The following TBC1D5 variants were observed in gnomAD, a reference collection of about 807,000 sequenced individuals.
TBC1D5 encodes TBC1 domain family, member 5.
In TBC1D5, 75 loss-of-function variants were observed where a neutral mutation model predicts 100.3. The ratio of observed to expected loss-of-function variants is 0.75; its 90% CI spans 0.62 to 0.91. TBC1D5 has a LOEUF of 0.91. TBC1D5 is among the 40% of genes least tolerant of loss of function. TBC1D5 has a pLI of 0.00. For missense variants in TBC1D5, 910 were observed against 942.4 expected, an observed-to-expected ratio of 0.97 and a Z score of 0.45; for synonymous variants, 323 against 325.6, an observed-to-expected ratio of 0.99 and a Z score of 0.09.
chr3:17,187,067 G>A (rs897982583), intron 18 of TBC1D5, among the ~76,000 whole-genome samples: 5 of 151,862 alleles, frequency 3.3e-5, no homozygotes, highest in South Asian at 2.1e-4. Context: ...AATTTCCCTC[G>A]TTATCACAGG....
intron 3 of TBC1D5, among the ~76,000 whole-genome samples, chr3:17,470,175 G>T (rs559411418): frequency 1.3e-5 from 2 of 152,188 alleles, no homozygotes; most frequent in South Asian, 4.2e-4. Context: ...TTTCCCCTTA[G>T]TCAAGACCAG....
At chr3:17,701,739 G>GA (rs953070444) in intron 1 of TBC1D5, among the ~76,000 whole-genome samples, 4 of 152,082 alleles carry the variant, frequency 2.6e-5, no homozygotes, top group Admixed American at 2.0e-4. Context: ...TGAGATGCAA[G>GA]AAAAAACTGA....
intron 19 of TBC1D5, among the ~76,000 whole-genome samples, chr3:17,172,371 G>A (rs1267973697): frequency 6.6e-6 from 1 of 152,316 alleles, no homozygotes; most frequent in East Asian, 1.9e-4. Context: ...TTTTAAGTAA[G>A]TTACATCTGC....
chr3:17,694,646 G>A (rs2071722411), intron 1 of TBC1D5, among the ~76,000 whole-genome samples: 1 of 152,206 alleles, frequency 6.6e-6, no homozygotes, highest in South Asian at 2.1e-4. Flanking sequence ...GTGATGGGGA[G>A]AATGGACCCA....
intron 3 of TBC1D5, among the ~76,000 whole-genome samples, chr3:17,455,466 A>G (rs899064833): frequency 1.4e-5 from 2 of 146,304 alleles, no homozygotes; most frequent in South Asian, 2.1e-4. Flanking sequence ...GTGTATATAT[A>G]TGTGTATATA....
rs189859744 is a variant in TBC1D5, at chr3:17,213,828, A to T, written c.1752+379T>A. Among the ~76,000 whole-genome samples, 253 of 150,666 alleles carry T rather than the reference A, an allele frequency of 1.7e-3. 1 individual carries two copies. Among genetic ancestry groups the T allele is most frequent in the African/African-American group, 5.8e-3 (237 of 41,088 alleles). On this transcript the variant is annotated intron_variant, in intron 18 of 21. Coordinates refer to ENST00000253692, the Ensembl canonical transcript of TBC1D5. ...TAGCTTTTTAAATGGTAAATCAATT[A>T]TTTTTAATTTTCAAGAAATATTTAA...
At chr3:17,697,771 G>A (rs2072373783) in intron 1 of TBC1D5, among the ~76,000 whole-genome samples, 1 of 151,400 alleles carries the variant, frequency 6.6e-6, no homozygotes, top group Non-Finnish European at 1.5e-5. Flanking sequence ...AGTTCATGTG[G>A]AACCAAAACA....
At chr3:17,639,481 C>T (rs2064293387) in intron 1 of TBC1D5, among the ~76,000 whole-genome samples, 2 of 148,930 alleles carry the variant, frequency 1.3e-5, no homozygotes, top group Non-Finnish European at 3.0e-5. Context: ...AAAAAAAAAA[C>T]TATGAATTGT....
chr3:17,216,237 G>C (rs2073616365), intron 17 of TBC1D5, among the ~76,000 whole-genome samples: 1 of 152,048 alleles, frequency 6.6e-6, no homozygotes, highest in South Asian at 2.1e-4. Context: ...ATCTGCCTCA[G>C]GTTTTGAACT....
intron 2 of TBC1D5, among the ~76,000 whole-genome samples, chr3:17,550,486 C>A (rs2096462815): frequency 6.7e-6 from 1 of 149,752 alleles, no homozygotes; most frequent in East Asian, 2.0e-4. Flanking sequence ...AAACAAGACT[C>A]AATAAATATT....
At chr3:17,318,424 C>T (rs283929) in intron 13 of TBC1D5, among the ~76,000 whole-genome samples, 75,625 of 151,932 alleles carry the variant, frequency 0.5, 20,246 homozygotes, top group African/African-American at 0.67. Context: ...GATCTTGAAA[C>T]AAGCCTGAAC....
At chr3:17,484,476 G>T (rs1559990521) in intron 3 of TBC1D5, among the ~76,000 whole-genome samples, 1 of 147,904 alleles carries the variant, frequency 6.8e-6, no homozygotes, top group Admixed American at 6.7e-5. Context: ...GTGTGTGTGT[G>T]TGTGTGTGTG....
chr3:17,475,807 T>A (rs547821218), intron 3 of TBC1D5, among the ~76,000 whole-genome samples: 8 of 152,226 alleles, frequency 5.3e-5, no homozygotes, highest in African/African-American at 1.7e-4. Context: ...TCCTAGGGTA[T>A]GGTCATATTC....
chr3:17,379,994 TA>T (rs2092871654), intron 9 of TBC1D5, among the ~76,000 whole-genome samples: 1 of 151,512 alleles, frequency 6.6e-6, no homozygotes, highest in African/African-American at 2.4e-5. Flanking sequence ...CGAACTACTG[TA>T]CTGTACTGTA....
At chr3:17,699,098 G>C (rs1487512326) in intron 1 of TBC1D5, among the ~76,000 whole-genome samples, 2 of 150,158 alleles carry the variant, frequency 1.3e-5, no homozygotes, top group African/African-American at 2.5e-5. Context: ...GCCCACGTAT[G>C]TTTATTGCGG....
chr3:17,420,789 G>C (rs1010210607), intron 4 of TBC1D5, among the ~76,000 whole-genome samples: 2 of 152,100 alleles, frequency 1.3e-5, no homozygotes, highest in African/African-American at 4.8e-5. Context: ...GTGTGTCCAG[G>C]GGAAAGGACT....
chr3:17,526,966 C>A (rs2096144278), intron 2 of TBC1D5, among the ~76,000 whole-genome samples: 1 of 152,126 alleles, frequency 6.6e-6, no homozygotes, highest in South Asian at 2.1e-4. Flanking sequence ...CAGGGCTGCA[C>A]AAATATAATA....
At chr3:17,317,477 A>G (rs1409568296) in intron 13 of TBC1D5, among the ~76,000 whole-genome samples, 2 of 152,182 alleles carry the variant, frequency 1.3e-5, no homozygotes, top group East Asian at 1.9e-4. Flanking sequence ...AAAATGACAT[A>G]AATTACCTTT....
chr3:17,473,546 G>A (rs986735325), intron 3 of TBC1D5, among the ~76,000 whole-genome samples: 3 of 152,146 alleles, frequency 2.0e-5, no homozygotes. Flanking sequence ...AGCTCTGAGA[G>A]AAAGAGGTTT....
Sources: allele counts gnomAD v4.1 joint callset (sites outside exome capture counted in the v4.1 genomes callset), GRCh38; gene constraint gnomAD v4.1.1; transcripts MANE v1.5; gene names NCBI Gene and HGNC (gene_info 2026-07-23, HGNC 2026-07-21).